Variants in DAB2IP observed in about 807,000 individuals in gnomAD.
The protein encoded by DAB2IP is DAB2 interacting protein, also known as disabled homolog 2-interacting protein.
A neutral mutation model predicts 107.2 loss-of-function variants in DAB2IP; 28 were observed. The observed-to-expected ratio is 0.26, with a 90% CI of 0.19 to 0.36. The LOEUF (loss-of-function observed/expected upper bound fraction) is 0.36. Ranked by LOEUF, DAB2IP falls within the 10% of genes least tolerant of loss-of-function variation. The pLI is 1.00. For synonymous variants in DAB2IP, 755 were observed against 706.4 expected, an observed-to-expected ratio of 1.07 and a Z score of -1.09; for missense variants, 1,400 against 1,644.7, an observed-to-expected ratio of 0.85 and a Z score of 2.57.
chr9:121,587,746 G>C (rs1385355476), intron 1 of DAB2IP, among the ~76,000 whole-genome samples: 1 of 152,142 alleles, frequency 6.6e-6, no homozygotes, highest in Non-Finnish European at 1.5e-5. Flanking sequence ...GAGTAAGATG[G>C]AACCTGAGAA....
chr9:121,606,235 A>C (rs557865179), intron 1 of DAB2IP, among the ~76,000 whole-genome samples: 4 of 152,216 alleles, frequency 2.6e-5, no homozygotes, highest in East Asian at 1.9e-4. Flanking sequence ...GTGGTGGTGC[A>C]TGCCTGTAAT....
rs549832916 is a variant in DAB2IP at position 121,685,889 on chromosome 9, G to A, written c.228+7108G>A. Among the ~76,000 whole-genome samples, 5 of 152,366 alleles carry A rather than the reference G, an allele frequency of 3.3e-5. No individual in the cohort carries two copies. The South Asian group carries it at 1.0e-3, about 32-fold the overall frequency. The stretch of plus-strand genomic sequence containing the variant: ...CAAATGACAGCAGGAACTGAGCGCA[G>A]TTTGGGGGCTGAAATGTGAGGAAGT... On this transcript the variant is annotated intron_variant, in intron 2 of 15. Coordinates refer to ENST00000408936, the Ensembl canonical transcript of DAB2IP.
intron 1 of DAB2IP, among the ~76,000 whole-genome samples, chr9:121,609,595 C>G (rs763193088): frequency 3.9e-5 from 6 of 152,248 alleles, no homozygotes; most frequent in Non-Finnish European, 7.3e-5. Flanking sequence ...TTTGCTCCTT[C>G]CCTAGCTAGG....
chr9:121,774,954 G>T (rs1200495132), intron 13 of DAB2IP, among the ~76,000 whole-genome samples: 1 of 152,168 alleles, frequency 6.6e-6, no homozygotes, highest in African/African-American at 2.4e-5. Context: ...GGGGGGTGGG[G>T]TCAGGCTGCC....
intron 1 of DAB2IP, among the ~76,000 whole-genome samples, chr9:121,656,506 C>G (rs1832978460): frequency 6.6e-6 from 1 of 152,244 alleles, no homozygotes; most frequent in African/African-American, 2.4e-5. Context: ...ATGCCCTTTT[C>G]TGCCTTGTCT....
intron 3 of DAB2IP, among the ~76,000 whole-genome samples, chr9:121,717,406 C>T (rs894467434): frequency 6.6e-6 from 1 of 152,240 alleles, no homozygotes; most frequent in East Asian, 1.9e-4. Flanking sequence ...AACACTGCAT[C>T]CTTTTCGGTG....
chr9:121,663,799 G>A (rs558261864), intron 1 of DAB2IP, among the ~76,000 whole-genome samples: 5 of 152,340 alleles, frequency 3.3e-5, no homozygotes, highest in Admixed American at 6.5e-5. Flanking sequence ...AGGGCCAGGC[G>A]CGAACTCAGC....
chr9:121,769,604 A>T (rs1834548941), intron 10 of DAB2IP, among the ~76,000 whole-genome samples: 1 of 152,192 alleles, frequency 6.6e-6, no homozygotes. Context: ...CACTAGAAAT[A>T]GGTCCTGTTG....
At chr9:121,582,600 C>T (rs529314059) in intron 1 of DAB2IP, among the ~76,000 whole-genome samples, 1 of 152,132 alleles carries the variant, frequency 6.6e-6, no homozygotes, top group East Asian at 1.9e-4. Flanking sequence ...GGACCCCTGG[C>T]CACTGGCACC....
chr9:121,702,702 A>T lies in DAB2IP; in HGVS notation c.362+3244A>T, dbSNP rs1829849363. On this transcript the variant is annotated intron_variant, in intron 3 of 15. Transcript: ENST00000408936. This position sits in a 1 kb window ranked among gnomAD's most constrained non-coding sequence, Gnocchi z 4.5. ...AATGTTGGTAAAAGTGATATAGAGG[A>T]TGTGGTTCTGTCAGCCCAGAGGATA... is the stretch of plus-strand genomic sequence containing the variant. Among the ~76,000 whole-genome samples the T allele has an allele frequency of 6.6e-6, 1 of 152,104 alleles. No homozygotes were observed. Among genetic ancestry groups the T allele is most frequent in the Non-Finnish European group, 1.5e-5 (1 of 68,020 alleles).
Position 121,737,373 on chromosome 9 carries a change from GTTTA to G in DAB2IP, c.363-19635_363-19632del, listed in dbSNP as rs1026438059. ...AACCTTTAGATGTTGTCATCACTGT[GTTTA>G]TTTAAGTCATTTTTGAAATTTCAGC... is the stretch of plus-strand genomic sequence containing the variant. On this transcript the variant is annotated intron_variant, in intron 3 of 15. Coordinates refer to ENST00000408936, the Ensembl canonical transcript of DAB2IP. The G allele has an allele frequency of 1.5e-5, 15 of 985,338 alleles. No homozygotes were observed. The African/African-American group carries it at 2.6e-4, about 17-fold the overall frequency. The allele number at this position is 985,338 out of a possible 1,614,324, so 61.0% of individuals were successfully genotyped here. A position where few individuals can be genotyped will look rare whatever the true frequency, so the allele number is the denominator to read the frequency against.
chr9:121,612,291 C>T (rs190302849), intron 1 of DAB2IP, among the ~76,000 whole-genome samples: 90 of 152,052 alleles, frequency 5.9e-4, no homozygotes, highest in African/African-American at 2.0e-3. Flanking sequence ...CGTACCACTG[C>T]ACTCCCACTT....
At chr9:121,587,539 T>C (rs1387942522) in intron 1 of DAB2IP, among the ~76,000 whole-genome samples, 1 of 148,868 alleles carries the variant, frequency 6.7e-6, no homozygotes, top group Non-Finnish European at 1.5e-5. Flanking sequence ...GCCTGGGAGG[T>C]TGAGGTTGCA....
At chr9:121,685,684 A>G (rs1006508665) in intron 2 of DAB2IP, among the ~76,000 whole-genome samples, 1 of 152,252 alleles carries the variant, frequency 6.6e-6, no homozygotes, top group Non-Finnish European at 1.5e-5. Context: ...TAAATTTGCC[A>G]TCATCACCAA....
At chr9:121,643,655 G>A (rs746314232) in intron 1 of DAB2IP, among the ~76,000 whole-genome samples, 3 of 152,084 alleles carry the variant, frequency 2.0e-5, no homozygotes, top group Non-Finnish European at 4.4e-5. Context: ...CTACTCAGCC[G>A]TCTAGCTCCA....
intron 1 of DAB2IP, among the ~76,000 whole-genome samples, chr9:121,670,114 GT>G (rs1283017684): frequency 6.6e-6 from 1 of 151,956 alleles, no homozygotes; most frequent in Non-Finnish European, 1.5e-5. Context: ...CCACTAATCC[GT>G]TTTCCATCTC....
chr9:121,596,756 T>G (rs958464102), intron 1 of DAB2IP, among the ~76,000 whole-genome samples: 1 of 150,870 alleles, frequency 6.6e-6, no homozygotes, highest in African/African-American at 2.5e-5. Context: ...AGGTTCTCTA[T>G]GTCAAGACTC....
chr9:121,596,894 C>T (rs1364472183), intron 1 of DAB2IP, among the ~76,000 whole-genome samples: 1 of 152,202 alleles, frequency 6.6e-6, no homozygotes, highest in Non-Finnish European at 1.5e-5. Context: ...TCCCTACTGT[C>T]CCACTTCTTT....
intron 1 of DAB2IP, among the ~76,000 whole-genome samples, chr9:121,571,681 C>T (rs1829945957): frequency 6.6e-6 from 1 of 152,026 alleles, no homozygotes; most frequent in South Asian, 2.1e-4. Flanking sequence ...TGAAAGGGTT[C>T]AGCCATGGCA....
Sources: gnomAD v4.1 joint callset for allele counts (sites outside exome capture counted in the v4.1 genomes callset) on GRCh38, gnomAD v4.1.1 for gene constraint, Gnocchi (gnomAD v3.1) non-coding constraint, MANE v1.5 for transcripts, NCBI Gene and HGNC (gene_info 2026-07-23, HGNC 2026-07-21) for gene names.